Variants in AUTS2 observed in about 807,000 individuals in gnomAD.
AUTS2 encodes the protein activator of transcription and developmental regulator AUTS2.
A neutral mutation model predicts 112.4 loss-of-function variants in AUTS2; 17 were observed. The observed-to-expected ratio is 0.15, with a 90% CI of 0.10 to 0.23. AUTS2 has a LOEUF of 0.23. Ranked by LOEUF, AUTS2 falls within the 10% of genes least tolerant of loss-of-function variation. AUTS2 has a pLI of 1.00. For synonymous variants in AUTS2, 751 were observed against 702.7 expected, an observed-to-expected ratio of 1.07 and a Z score of -1.09; for missense variants, 1,510 against 1,701.6, an observed-to-expected ratio of 0.89 and a Z score of 1.98.
chr7:70,716,972 G>A (rs113232052), intron 6 of AUTS2, among the ~76,000 whole-genome samples: 182 of 150,140 alleles, frequency 1.2e-3, no homozygotes, highest in African/African-American at 4.4e-3. Context: ...TAGTAGTTAT[G>A]GCTGGAAATC....
At chr7:69,921,327 GTTTTTTTT>G (rs11289784) in intron 2 of AUTS2, among the ~76,000 whole-genome samples, 1 of 90,404 alleles carries the variant, frequency 1.1e-5, no homozygotes, top group Non-Finnish European at 2.2e-5. Flanking sequence ...TAGACTTGAA[GTTTTTTTT>G]TTTTTTTTTT....
intron 4 of AUTS2, among the ~76,000 whole-genome samples, chr7:70,174,036 G>C (rs1808852621): frequency 6.6e-6 from 1 of 152,186 alleles, no homozygotes; most frequent in African/African-American, 2.4e-5. Context: ...GCTTAGTAAG[G>C]AAGGCATGTT....
chr7:70,481,548 A>G (rs1489157318), intron 5 of AUTS2, among the ~76,000 whole-genome samples: 1 of 152,180 alleles, frequency 6.6e-6, no homozygotes, highest in Admixed American at 6.5e-5. Flanking sequence ...CCCGTCACAC[A>G]TCTCACCCTG....
At chr7:70,377,937 ATT>A (rs1179092644) in intron 4 of AUTS2, among the ~76,000 whole-genome samples, 4 of 143,320 alleles carry the variant, frequency 2.8e-5, no homozygotes, top group African/African-American at 2.5e-5. Context: ...CGGCTGGCTA[ATT>A]TTTTTTTTTT....
rs183381943 is a variant in AUTS2 at position 70,087,329 on chromosome 7, G to A, written c.523-30803G>A. 2.6e-3 allele frequency among the ~76,000 whole-genome samples: 385 copies of A among 147,266 alleles called. 2 individuals are homozygous for A. The highest frequency in any genetic ancestry group is 8.7e-3 in the African/African-American group (350 of 40,142). ...TATAAAAGTATATTAAAAATTATTCGTATATATATAGTTGAACTTAATTAG... is the reference window on the plus strand; with the variant it reads ...TATAAAAGTATATTAAAAATTATTCATATATATATAGTTGAACTTAATTAG... On this transcript the variant is annotated intron_variant, in intron 2 of 18. Coordinates refer to ENST00000342771, the MANE Select transcript of AUTS2 (RefSeq NM_015570.4).
At chr7:70,624,706 CTG>C (rs1804847755) in intron 5 of AUTS2, among the ~76,000 whole-genome samples, 1 of 152,182 alleles carries the variant, frequency 6.6e-6, no homozygotes, top group Admixed American at 6.5e-5. Context: ...TAGAGAAACA[CTG>C]TGCCCCGCGT....
Position 69,805,309 on chromosome 7 carries a change from C to G in AUTS2, c.310-93977C>G, listed in dbSNP as rs35975520. Among the ~76,000 whole-genome samples, 953 of 152,308 alleles carry G rather than the reference C, an allele frequency of 6.3e-3. 8 individuals are homozygous for G. Among genetic ancestry groups the G allele is most frequent in the Non-Finnish European group, 0.011 (739 of 68,022 alleles). Reference sequence around the variant, plus strand: ...TTGAAGTCACCCTTTACCTCTGCCCCCTGCCCAGAAATTTCCTTGTGAGAA... The same window carrying G: ...TTGAAGTCACCCTTTACCTCTGCCCGCTGCCCAGAAATTTCCTTGTGAGAA... On this transcript the variant is annotated intron_variant, in intron 1 of 18. Coordinates refer to ENST00000342771, the MANE Select transcript of AUTS2 (RefSeq NM_015570.4).
chr7:69,886,330 A>G (rs1028681296), intron 1 of AUTS2, among the ~76,000 whole-genome samples: 1 of 152,236 alleles, frequency 6.6e-6, no homozygotes, highest in Non-Finnish European at 1.5e-5. Context: ...GGAAAGTTGG[A>G]AGAAAGTTAC....
intron 2 of AUTS2, among the ~76,000 whole-genome samples, chr7:70,010,590 A>G (rs933304411): frequency 6.6e-6 from 1 of 152,224 alleles, no homozygotes; most frequent in African/African-American, 2.4e-5. Flanking sequence ...CACAACAGCC[A>G]TAGAGACATA....
intron 1 of AUTS2, among the ~76,000 whole-genome samples, chr7:69,735,794 A>C (rs1423425265): frequency 6.6e-6 from 1 of 152,226 alleles, no homozygotes; most frequent in Non-Finnish European, 1.5e-5. Flanking sequence ...GCTGCTGTAG[A>C]CAGCCAGTGC....
chr7:70,545,637 C>T (rs1381267745), intron 5 of AUTS2, among the ~76,000 whole-genome samples: 2 of 152,140 alleles, frequency 1.3e-5, no homozygotes, highest in African/African-American at 4.8e-5. Context: ...CTTTTTTGAC[C>T]TCCCACGATC....
rs60351906 is a variant in AUTS2 at position 70,338,833 on chromosome 7, CTTATTTAT to C, written c.661-96880_661-96873del. On this transcript the variant is annotated intron_variant, in intron 4 of 18. Transcript: ENST00000342771. The stretch of plus-strand genomic sequence containing the variant: ...ACCTAACCCATCTCCAGCCTCATCT[CTTATTTAT>C]TTATTTATTTATTTATTTATTTATT... Among the ~76,000 whole-genome samples the C allele has an allele frequency of 2.8e-3, 397 of 141,078 alleles. 1 individual carries two copies. Among genetic ancestry groups the C allele is most frequent in the South Asian group, 3.8e-3 (16 of 4,256 alleles). 92.6% of individuals were successfully genotyped at this position (141,078 alleles called of 152,430 possible).
intron 2 of AUTS2, among the ~76,000 whole-genome samples, chr7:69,925,800 A>G (rs1281126825): frequency 6.6e-6 from 1 of 152,210 alleles, no homozygotes. Context: ...GATAACAGGT[A>G]TGAGCTACTG....
intron 4 of AUTS2, among the ~76,000 whole-genome samples, chr7:70,169,387 C>T (rs945465747): frequency 6.6e-6 from 1 of 152,016 alleles, no homozygotes; most frequent in Non-Finnish European, 1.5e-5. Flanking sequence ...GCTACAGACA[C>T]GTGTCACCAC....
chr7:70,507,462 C>A (rs1430159426), intron 5 of AUTS2, among the ~76,000 whole-genome samples: 1 of 152,034 alleles, frequency 6.6e-6, no homozygotes, highest in Admixed American at 6.6e-5. Flanking sequence ...TTTAACATGA[C>A]AACAGCTGGC....
chr7:69,833,619 G>C (rs1584313327), intron 1 of AUTS2, among the ~76,000 whole-genome samples: 1 of 152,050 alleles, frequency 6.6e-6, no homozygotes, highest in East Asian at 1.9e-4. Context: ...ACTTTTATTA[G>C]AGTCGGGGTT....
intron 2 of AUTS2, among the ~76,000 whole-genome samples, chr7:70,083,642 C>T (rs1406251995): frequency 6.6e-6 from 1 of 151,932 alleles, no homozygotes; most frequent in Admixed American, 6.6e-5. Context: ...CCTATAGAAC[C>T]AACACAATCA....
At chr7:70,438,376 C>A (rs1384428994) in intron 5 of AUTS2, among the ~76,000 whole-genome samples, 1 of 152,062 alleles carries the variant, frequency 6.6e-6, no homozygotes, top group Admixed American at 6.5e-5. Flanking sequence ...TAGGAGTGTT[C>A]CTCAGATTCA....
chr7:69,677,055 T>G (rs1796596858), intron 1 of AUTS2, among the ~76,000 whole-genome samples: 1 of 152,196 alleles, frequency 6.6e-6, no homozygotes, highest in South Asian at 2.1e-4. Context: ...ATAGAAAATC[T>G]AATCTATTTG....
Sources: gnomAD v4.1 joint callset for allele counts (sites outside exome capture counted in the v4.1 genomes callset) on GRCh38, gnomAD v4.1.1 for gene constraint, MANE v1.5 for transcripts, NCBI Gene and HGNC (gene_info 2026-07-23, HGNC 2026-07-21) for gene names.